CCDC6: variants seen among roughly 807,000 people sequenced by gnomAD.
CCDC6 encodes coiled-coil domain containing 6.
In CCDC6, 20 loss-of-function variants were observed where a neutral mutation model predicts 56.6. The observed-to-expected ratio is 0.35, with a 90% CI of 0.25 to 0.51. The LOEUF is 0.51. Ranked by LOEUF, CCDC6 falls within the 20% of genes least tolerant of loss-of-function variation. The probability of loss-of-function intolerance (pLI) is 0.95; values close to 1 mark genes in which losing one functional copy is unlikely to be tolerated. For synonymous variants in CCDC6, 241 were observed against 234.4 expected, an observed-to-expected ratio of 1.03 and a Z score of -0.26; for missense variants, 367 against 601.1, an observed-to-expected ratio of 0.61 and a Z score of 4.07.
intron 2 of CCDC6, among the ~76,000 whole-genome samples, chr10:59,837,713 T>C (rs1273800146): frequency 2.3e-5 from 3 of 127,950 alleles, no homozygotes; most frequent in African/African-American, 9.2e-5. Flanking sequence ...ACCACTGCAC[T>C]CTAGCCTGGG....
chr10:59,837,337 A>C (rs1454253056), intron 2 of CCDC6, among the ~76,000 whole-genome samples: 2 of 152,194 alleles, frequency 1.3e-5, no homozygotes, highest in Non-Finnish European at 2.9e-5. Context: ...GCTGGATCCT[A>C]GGTTTTGTAA....
chr10:59,803,510 C>T (rs770920216), intron 7 of CCDC6, among the ~76,000 whole-genome samples: 2 of 152,188 alleles, frequency 1.3e-5, no homozygotes, highest in Non-Finnish European at 2.9e-5. Flanking sequence ...AATCTGCTTA[C>T]CAGCAAGCAC....
rs536210977 is a variant in CCDC6 at position 59,807,132 on chromosome 10, C to G, written c.848-54G>C. On this transcript the variant is annotated intron_variant, in intron 5 of 8. Transcript: ENST00000263102. ...ATGTTTCATGCAATCATATCCAAAT[C>G]TAAAAAAAAGGAGACTTCAGTTCAG... is the stretch of plus-strand genomic sequence containing the variant. The G allele has an allele frequency of 1.6e-5, 25 of 1,547,772 alleles. No individual in the cohort carries two copies. In the African/African-American group the frequency reaches 2.8e-4, roughly 17 times the overall value.
chr10:59,837,262 G>T (rs1018489250), intron 2 of CCDC6, among the ~76,000 whole-genome samples: 49 of 152,266 alleles, frequency 3.2e-4, no homozygotes, highest in Admixed American at 1.4e-3. Flanking sequence ...CCTCCAATAG[G>T]TACCACAGGT....
At position 59,792,913 on chromosome 10, in the gene CCDC6, T is replaced by C. The variant is rs986671304; in HGVS notation, c.*4A>G. 2 of 1,610,218 alleles carry C rather than the reference T, an allele frequency of 1.2e-6. No homozygotes were observed. Among genetic ancestry groups the C allele is most frequent in the African/African-American group, 1.3e-5 (1 of 74,818 alleles). ...CAACTTGAAATTCAGACTAAGCTCA[T>C]GCATTAAGGCTGGGAGGAGGGGTGC... On this transcript the variant is annotated 3_prime_UTR_variant, in exon 9 of 9. Transcript: ENST00000263102.
At chr10:59,816,903 CAG>C (rs1221715014) in intron 3 of CCDC6, among the ~76,000 whole-genome samples, 2 of 152,252 alleles carry the variant, frequency 1.3e-5, no homozygotes, top group African/African-American at 2.4e-5. Flanking sequence ...AAACTGGAAA[CAG>C]AGCTTCAAAA....
At chr10:59,839,086 G>A (rs900699282) in intron 2 of CCDC6, among the ~76,000 whole-genome samples, 1 of 152,214 alleles carries the variant, frequency 6.6e-6, no homozygotes, top group Non-Finnish European at 1.5e-5. Context: ...CACACTTGAT[G>A]GTTGAATCTT....
chr10:59,868,037 C>CTGA (rs1381771615), intron 1 of CCDC6, among the ~76,000 whole-genome samples: 1 of 152,228 alleles, frequency 6.6e-6, no homozygotes, highest in African/African-American at 2.4e-5. Context: ...TCAGGACCTC[C>CTGA]TGAAGCTTTG....
chr10:59,904,755 C>T (rs1001402174), intron 1 of CCDC6, among the ~76,000 whole-genome samples: 3 of 152,216 alleles, frequency 2.0e-5, no homozygotes, highest in African/African-American at 7.2e-5. Flanking sequence ...TTTCTTTTTA[C>T]AATCAACTGC....
intron 7 of CCDC6, among the ~76,000 whole-genome samples, chr10:59,795,922 T>A (rs1564736074): frequency 6.6e-6 from 1 of 152,140 alleles, no homozygotes; most frequent in Non-Finnish European, 1.5e-5. Context: ...TTGTGAATAG[T>A]GCCACAATAA....
intron 2 of CCDC6, among the ~76,000 whole-genome samples, chr10:59,833,060 T>C (rs1202583434): frequency 6.6e-6 from 1 of 152,224 alleles, no homozygotes; most frequent in Admixed American, 6.5e-5. Context: ...CTATTTCCAG[T>C]GTACAAGTAA....
intron 2 of CCDC6, among the ~76,000 whole-genome samples, chr10:59,836,984 C>T (rs1036568851): frequency 6.6e-6 from 1 of 152,296 alleles, no homozygotes; most frequent in Middle Eastern, 3.4e-3. Flanking sequence ...GTATCATCCA[C>T]TGATTAGATA....
chr10:59,837,312 A>C (rs1176352081), intron 2 of CCDC6, among the ~76,000 whole-genome samples: 1 of 152,170 alleles, frequency 6.6e-6, no homozygotes, highest in Non-Finnish European at 1.5e-5. Context: ...TTCCCACCCA[A>C]CATGCAGCAG....
chr10:59,828,260 G>A (rs143379261), intron 3 of CCDC6, among the ~76,000 whole-genome samples: 82 of 152,280 alleles, frequency 5.4e-4, no homozygotes, highest in Middle Eastern at 6.8e-3. Context: ...CTGGCCACCA[G>A]TGTTTGTTTA....
At position 59,872,783 on chromosome 10, in the gene CCDC6, G is replaced by GA. The variant is rs1285739173; in HGVS notation, c.304-20082_304-20081insT. ...CAAAGAGGATAACTTTCCAGATGGGGGGGTGGGGGAAGGTAACAACATTAG... is the reference window on the plus strand; with the variant it reads ...CAAAGAGGATAACTTTCCAGATGGGGAGGGTGGGGGAAGGTAACAACATTAG... On this transcript the variant is annotated intron_variant, in intron 1 of 8. Coordinates refer to ENST00000263102, the MANE Select transcript of CCDC6 (RefSeq NM_005436.5). Among the ~76,000 whole-genome samples, 134 of 113,184 alleles carry GA rather than the reference G, an allele frequency of 1.2e-3. 1 individual carries two copies. The highest frequency in any genetic ancestry group is 1.7e-3 in the Non-Finnish European group (85 of 49,310). The allele number at this position is 113,184 out of a possible 152,430, so 74.3% of individuals were successfully genotyped here.
rs951055044 is a variant in CCDC6 at position 59,906,043 on chromosome 10, G to C, written c.303+79C>G. The C allele has an allele frequency of 8.1e-6, 10 of 1,238,792 alleles. No homozygotes were observed. The African/African-American group carries it at 1.4e-4, about 17-fold the overall frequency. 76.7% of individuals were successfully genotyped at this position (1,238,792 alleles called of 1,614,324 possible). A position where few individuals can be genotyped will look rare whatever the true frequency, so the allele number is the denominator to read the frequency against. On this transcript the variant is annotated intron_variant, in intron 1 of 8. Transcript: ENST00000263102. The stretch of plus-strand genomic sequence containing the variant: ...CCCCGGGAATCTGGGGAAGACTTGG[G>C]GGGTGGCTGGATTCGGGTGCAGCCC...
chr10:59,814,599 A>AACACACACACACAC, intron 4 of CCDC6, 53 bp downstream of exon 4: 2 of 927,204 alleles, frequency 2.2e-6, no homozygotes. Flanking sequence ...CCAGAGCAGC[A>AACACACACACACAC]ACACACACAC....
At chr10:59,847,817 C>CTTTTTT (rs757902015) in intron 2 of CCDC6, among the ~76,000 whole-genome samples, 1 of 104,858 alleles carries the variant, frequency 9.5e-6, no homozygotes, top group Non-Finnish European at 1.9e-5. Flanking sequence ...GCCTTTTAGA[C>CTTTTTT]TTTTTTTTTT....
intron 3 of CCDC6, among the ~76,000 whole-genome samples, chr10:59,826,896 A>C (rs903690753): frequency 1.3e-5 from 2 of 152,202 alleles, no homozygotes; most frequent in African/African-American, 4.8e-5. Context: ...CAGCAGCTAC[A>C]ATTTTTGGAG....
Sources: gnomAD v4.1 joint callset for allele counts (sites outside exome capture counted in the v4.1 genomes callset) on GRCh38, gnomAD v4.1.1 for gene constraint, MANE v1.5 for transcripts, NCBI Gene and HGNC (gene_info 2026-07-23, HGNC 2026-07-21) for gene names.